Variants in FAT3 observed in about 807,000 individuals in gnomAD.
The protein encoded by FAT3 is protocadherin Fat 3.
In FAT3, 95 loss-of-function variants were observed where a neutral mutation model predicts 310.2. The observed-to-expected ratio is 0.31, with a 90% CI of 0.26 to 0.36. The LOEUF is 0.36. Ranked by LOEUF, FAT3 falls within the 10% of genes least tolerant of loss-of-function variation. The pLI is 1.00. For missense variants in FAT3, 5,408 were observed against 5,715.6 expected (o/e 0.95, Z 1.74); for synonymous variants, 2,314 against 2,192.9 (o/e 1.06, Z -1.54).
intron 21 of FAT3, among the ~76,000 whole-genome samples, chr11:92,860,469 A>G (rs1490126352): frequency 6.6e-6 from 1 of 152,188 alleles, no homozygotes; most frequent in Non-Finnish European, 1.5e-5. Context: ...TATGGAGGAG[A>G]GAAGGCAGGA....
chr11:92,735,113 A>C (rs781725240), intron 4 of FAT3, among the ~76,000 whole-genome samples: 21 of 150,400 alleles, frequency 1.4e-4, no homozygotes, highest in African/African-American at 2.5e-5. Flanking sequence ...TGAGCATGTC[A>C]TGTCTGACTT....
At chr11:92,601,066 A>G (rs2135587960) in intron 3 of FAT3, among the ~76,000 whole-genome samples, 2 of 152,242 alleles carry the variant, frequency 1.3e-5, no homozygotes, top group South Asian at 4.1e-4. Flanking sequence ...GGGATGGAGC[A>G]TATGGGAGTT....
At chr11:92,732,080 TG>T (rs1191341688) in intron 4 of FAT3, among the ~76,000 whole-genome samples, 1 of 152,164 alleles carries the variant, frequency 6.6e-6, no homozygotes, top group Admixed American at 6.5e-5. Context: ...TTTTTGCCCT[TG>T]GGGGATATTT....
chr11:92,268,745 A>G (rs1030118266), intron 1 of FAT3, among the ~76,000 whole-genome samples: 3 of 152,214 alleles, frequency 2.0e-5, no homozygotes, highest in Admixed American at 2.0e-4. Context: ...TGACTAAAAT[A>G]TAAGTTACCA....
chr11:92,713,747 A>G (rs909820914), intron 4 of FAT3, among the ~76,000 whole-genome samples: 3 of 152,196 alleles, frequency 2.0e-5, no homozygotes, highest in Non-Finnish European at 4.4e-5. Context: ...ATATTATTAA[A>G]TTTGAAAATG....
intron 3 of FAT3, among the ~76,000 whole-genome samples, chr11:92,654,382 T>A (rs1010086461): frequency 6.6e-6 from 1 of 152,124 alleles, no homozygotes; most frequent in East Asian, 1.9e-4. Flanking sequence ...GGCTAACAGA[T>A]TTGTCCAGCT....
intron 10 of FAT3, 70 bp from the exon 11 acceptor site, chr11:92,805,083 C>A: frequency 6.6e-7 from 1 of 1,507,844 alleles, no homozygotes; most frequent in Non-Finnish European, 9.0e-7. Flanking sequence ...ACATGCACCT[C>A]TCAAGGTAGA....
intron 4 of FAT3, among the ~76,000 whole-genome samples, chr11:92,719,158 A>G (rs139911107): frequency 2.8e-3 from 430 of 152,264 alleles, no homozygotes; most frequent in Middle Eastern, 6.8e-3. Flanking sequence ...ATGGCTATCT[A>G]TTTTAGTCAC....
intron 6 of FAT3, among the ~76,000 whole-genome samples, chr11:92,769,372 C>T (rs1946404218): frequency 6.6e-6 from 1 of 152,196 alleles, no homozygotes; most frequent in African/African-American, 2.4e-5. Flanking sequence ...ACAAATAACC[C>T]ATAATCCTTT....
chr11:92,769,493 C>A (rs1013559527), intron 6 of FAT3, among the ~76,000 whole-genome samples: 2 of 152,088 alleles, frequency 1.3e-5, no homozygotes, highest in African/African-American at 4.8e-5. Flanking sequence ...CAGTTCAGTC[C>A]CTGTATCTTT....
At position 92,690,235 on chromosome 11, in the gene FAT3, A is replaced by G. The variant is rs11820652; in HGVS notation, c.3608-7149A>G. Among the ~76,000 whole-genome samples, 701 of 152,332 alleles carry G rather than the reference A, an allele frequency of 4.6e-3. 4 individuals are homozygous for G. Among genetic ancestry groups the G allele is most frequent in the African/African-American group, 0.016 (655 of 41,580 alleles). On this transcript the variant is annotated intron_variant, in intron 3 of 27. Transcript: ENST00000525166. ...AAGAAAGAAATGAAATGTATCTGTT[A>G]CAGAAAACCAACAGCCATAAACCAT...
At chr11:92,606,435 A>G (rs986944104) in intron 3 of FAT3, among the ~76,000 whole-genome samples, 7 of 152,098 alleles carry the variant, frequency 4.6e-5, no homozygotes, top group African/African-American at 1.7e-4. Context: ...TTTAGACAGT[A>G]CCTGGGCTTT....
intron 1 of FAT3, among the ~76,000 whole-genome samples, chr11:92,308,529 C>T (rs1947200253): frequency 6.6e-6 from 1 of 152,060 alleles, no homozygotes; most frequent in Non-Finnish European, 1.5e-5. Flanking sequence ...ATTGTGCAAA[C>T]TAAGTCCTGT....
chr11:92,675,802 T>C (rs954775598), intron 3 of FAT3, among the ~76,000 whole-genome samples: 1 of 152,200 alleles, frequency 6.6e-6, no homozygotes, highest in African/African-American at 2.4e-5. Flanking sequence ...AACACAAGAT[T>C]CATTTCTCTT....
intron 1 of FAT3, among the ~76,000 whole-genome samples, chr11:92,313,504 A>T (rs1947359766): frequency 6.6e-6 from 1 of 152,110 alleles, no homozygotes; most frequent in African/African-American, 2.4e-5. Flanking sequence ...CTTCTTTTTA[A>T]TGTGTTACTG....
At chr11:92,308,897 T>G (rs759065444) in intron 1 of FAT3, among the ~76,000 whole-genome samples, 1 of 152,072 alleles carries the variant, frequency 6.6e-6, no homozygotes. Context: ...TGTTTTGTTT[T>G]ATGGAGATGC....
At chr11:92,322,883 C>T (rs1051253583) in intron 1 of FAT3, among the ~76,000 whole-genome samples, 1 of 152,106 alleles carries the variant, frequency 6.6e-6, no homozygotes, top group East Asian at 1.9e-4. Flanking sequence ...ATGAGGGTTA[C>T]AATTAACTTT....
At chr11:92,676,173 A>G (rs1363726827) in intron 3 of FAT3, among the ~76,000 whole-genome samples, 2 of 152,198 alleles carry the variant, frequency 1.3e-5, no homozygotes, top group East Asian at 3.9e-4. Flanking sequence ...AATACATTTA[A>G]CCAAAATGAA....
chr11:92,341,369 C>A (rs539084564), intron 1 of FAT3, among the ~76,000 whole-genome samples: 1 of 151,966 alleles, frequency 6.6e-6, no homozygotes, highest in South Asian at 2.1e-4. Context: ...CCCCTGTGGT[C>A]ATTGAAGGGG....
Sources: allele counts gnomAD v4.1 joint callset (sites outside exome capture counted in the v4.1 genomes callset), GRCh38; gene constraint gnomAD v4.1.1; transcripts MANE v1.5; gene names NCBI Gene and HGNC (gene_info 2026-07-23, HGNC 2026-07-21).